Variants in TIPIN observed in about 807,000 individuals in gnomAD.
The protein encoded by TIPIN is TIMELESS-interacting protein.
A neutral mutation model predicts 35.6 loss-of-function variants in TIPIN; 29 were observed. That is an observed-to-expected ratio of 0.82 (90% confidence interval 0.61 to 1.11). The LOEUF (loss-of-function observed/expected upper bound fraction) is 1.11. Ranked by LOEUF, TIPIN falls within the 50% of genes most tolerant of loss-of-function variation. The pLI, the probability that TIPIN is intolerant of heterozygous loss-of-function variation, is 0.00. For missense variants in TIPIN, 296 were observed against 345.4 expected (o/e 0.86, Z 1.13); for synonymous variants, 102 against 121.5 (o/e 0.84, Z 1.06).
At chr15:66,341,103 T>A (rs1294422183) in intron 7 of TIPIN, 47 bp downstream of exon 7, 1 of 1,557,514 alleles carries the variant, frequency 6.4e-7, no homozygotes, top group South Asian at 1.1e-5. Context: ...TTCTAACATG[T>A]CCTTGATATA....
At chr15:66,340,063 G>A (rs1384033016) in intron 7 of TIPIN, among the ~76,000 whole-genome samples, 3 of 151,382 alleles carry the variant, frequency 2.0e-5, no homozygotes, top group Non-Finnish European at 2.9e-5. Context: ...TAGTAGAGAC[G>A]GGTTTTCACC....
intron 1 of TIPIN, among the ~76,000 whole-genome samples, chr15:66,365,745 C>T (rs2093251445): frequency 6.6e-6 from 1 of 152,124 alleles, no homozygotes; most frequent in African/African-American, 2.4e-5. Flanking sequence ...CGGGGTTTCA[C>T]CCTGTTGGTC....
chr15:66,339,156 AAG>A lies in TIPIN; in HGVS notation c.683-1977_683-1976del, dbSNP rs1303833384. Among the ~76,000 whole-genome samples, 120 of 63,528 alleles carry A rather than the reference AAG, an allele frequency of 1.9e-3. 42 individuals carry two copies. The highest frequency in any genetic ancestry group is 0.013 in the East Asian group (33 of 2,546). 41.7% of individuals were successfully genotyped at this position (63,528 alleles called of 152,430 possible). ...CAAAAAAAAAAAAAAAAAAAAAAAA[AAG>A]CAAAAAGAAAAAGTAAATTCATCTT... On this transcript the variant is annotated intron_variant, in intron 7 of 7. Coordinates refer to ENST00000261881, the MANE Select transcript of TIPIN (RefSeq NM_017858.3).
At position 66,348,987 on chromosome 15, in the gene TIPIN, G is replaced by A. The variant is rs1264046603; in HGVS notation, c.475+73C>T. 5 of 1,203,426 alleles carry A rather than the reference G, an allele frequency of 4.2e-6. No homozygotes were observed. The Admixed American group carries it at 8.2e-5, about 20-fold the overall frequency. 74.5% of individuals were successfully genotyped at this position (1,203,426 alleles called of 1,614,324 possible). A position where few individuals can be genotyped will look rare whatever the true frequency, so the allele number is the denominator to read the frequency against. ...AGCAAAGCGCTGGGATTACAGGGTT[G>A]AGCCACCACACCCTGCCTAGATCTA... On this transcript the variant is annotated intron_variant, in intron 6 of 7. Coordinates refer to ENST00000261881, the MANE Select transcript of TIPIN (RefSeq NM_017858.3).
At chr15:66,360,105 A>G (rs1595807679), upstream of TIPIN, among the ~76,000 whole-genome samples, 1 of 152,094 alleles carries the variant, frequency 6.6e-6, no homozygotes, top group Non-Finnish European at 1.5e-5. Flanking sequence ...AGAGGAGTAA[A>G]AAACCATATT....
intron 6 of TIPIN, among the ~76,000 whole-genome samples, chr15:66,342,942 C>T (rs547393240): frequency 1.3e-5 from 2 of 152,140 alleles, no homozygotes; most frequent in Non-Finnish European, 2.9e-5. Flanking sequence ...GTTTTACTAA[C>T]ATATTTAAAA....
intron 1 of TIPIN, chr15:66,366,858 G>C: frequency 1.0e-6 from 1 of 985,060 alleles, no homozygotes; most frequent in Non-Finnish European, 1.2e-6. Context: ...AAAATGCAGG[G>C]AGAGAAATCC....
intron 1 of TIPIN, chr15:66,379,357 CA>C: frequency 1.3e-6 from 2 of 1,596,478 alleles, no homozygotes; most frequent in Non-Finnish European, 1.7e-6. Flanking sequence ...TCCTGCTGAA[CA>C]GTTCCTTTTT....
chr15:66,382,054 C>A, intron 1 of TIPIN, among the ~76,000 whole-genome samples: 1 of 101,210 alleles, frequency 9.9e-6, no homozygotes, highest in Non-Finnish European at 2.2e-5. Flanking sequence ...ATGAGTGAAA[C>A]TCTGTCTCAA....
chr15:66,372,422 T>TATTC (rs2093280846), intron 1 of TIPIN, among the ~76,000 whole-genome samples: 1 of 152,226 alleles, frequency 6.6e-6, no homozygotes, highest in African/African-American at 2.4e-5. Flanking sequence ...TGCTATGGAG[T>TATTC]ATTCCATTGT....
At chr15:66,381,489 TTAAAAAATA>T (rs1361652067) in intron 1 of TIPIN, among the ~76,000 whole-genome samples, 2 of 152,034 alleles carry the variant, frequency 1.3e-5, no homozygotes, top group Admixed American at 6.6e-5. Context: ...AGAAGTACTG[TTAAAAAATA>T]TTAATTCCTA....
chr15:66,382,456 C>A (rs901777291), intron 1 of TIPIN, among the ~76,000 whole-genome samples: 1 of 152,214 alleles, frequency 6.6e-6, no homozygotes, highest in Non-Finnish European at 1.5e-5. Context: ...TGGCTCACTG[C>A]AGCCTTGACT....
intron 1 of TIPIN, among the ~76,000 whole-genome samples, chr15:66,380,108 TCTC>T (rs1275847128): frequency 6.7e-6 from 1 of 149,962 alleles, no homozygotes; most frequent in Non-Finnish European, 1.5e-5. Context: ...CTCACGCCAT[TCTC>T]CTACCTCAGC....
upstream of TIPIN, among the ~76,000 whole-genome samples, chr15:66,359,301 GATA>G (rs2093221321): frequency 6.6e-6 from 1 of 151,912 alleles, no homozygotes. Flanking sequence ...ATACTTGTGA[GATA>G]ATATATATTA....
intron 4 of TIPIN, among the ~76,000 whole-genome samples, chr15:66,351,315 A>AGG (rs375419947): frequency 6.2e-4 from 94 of 152,342 alleles, no homozygotes; most frequent in African/African-American, 2.2e-3. Flanking sequence ...CCTATAGCCA[A>AGG]GGTTTAAGCA....
rs1245202646 is a variant in TIPIN, at chr15:66,341,094, T to C, written c.682+56A>G. The C allele has an allele frequency of 2.0e-6, 3 of 1,519,022 alleles. No individual in the cohort carries two copies. The African/African-American group carries it at 4.2e-5, about 21-fold the overall frequency. The allele number at this position is 1,519,022 out of a possible 1,614,324, so 94.1% of individuals were successfully genotyped here. On this transcript the variant is annotated intron_variant, in intron 7 of 7. Coordinates refer to ENST00000261881, the MANE Select transcript of TIPIN (RefSeq NM_017858.3). ...GGGGGCTAGCAGAGAAGTTAAAATTTCTAACATGTCCTTGATATATTAATG... is the reference window on the plus strand; with the variant it reads ...GGGGGCTAGCAGAGAAGTTAAAATTCCTAACATGTCCTTGATATATTAATG...
intron 6 of TIPIN, among the ~76,000 whole-genome samples, chr15:66,347,622 AC>A (rs1398867761): frequency 6.6e-6 from 1 of 152,082 alleles, no homozygotes; most frequent in African/African-American, 2.4e-5. Context: ...TCACTCTGTC[AC>A]CCAGGCTGGA....
chr15:66,360,071 C>T (rs559952974), upstream of TIPIN, among the ~76,000 whole-genome samples: 1 of 152,008 alleles, frequency 6.6e-6, no homozygotes, highest in African/African-American at 2.4e-5. Flanking sequence ...CCCCGTCTAA[C>T]CCAGTTTCCT....
At chr15:66,356,187 A>G (rs2093202953) in intron 1 of TIPIN, among the ~76,000 whole-genome samples, 1 of 152,040 alleles carries the variant, frequency 6.6e-6, no homozygotes, top group East Asian at 1.9e-4. Context: ...TCGCAAAGGA[A>G]GTGCTACCGT....
Sources: gnomAD v4.1 joint callset for allele counts (sites outside exome capture counted in the v4.1 genomes callset) on GRCh38, gnomAD v4.1.1 for gene constraint, MANE v1.5 for transcripts, NCBI Gene and HGNC (gene_info 2026-07-23, HGNC 2026-07-21) for gene names.